The following ASIC2 variants were observed in gnomAD, a reference collection of about 807,000 sequenced individuals.
ASIC2 encodes acid sensing ion channel subunit 2, also known as acid-sensing ion channel 2.
Under a neutral mutation model 57.3 loss-of-function variants are expected in ASIC2, and 25 were observed. That is an observed-to-expected ratio of 0.44 (90% confidence interval 0.32 to 0.61). ASIC2 has a LOEUF of 0.61. Ranked by LOEUF, ASIC2 falls within the 20% of genes least tolerant of loss-of-function variation. The pLI is 0.06. For synonymous variants in ASIC2, 319 were observed against 307.5 expected (o/e 1.04, Z -0.39); for missense variants, 641 against 738.1 (o/e 0.87, Z 1.52).
chr17:33,543,303 A>AAAAAC (rs1915480763), intron 1 of ASIC2, among the ~76,000 whole-genome samples: 2 of 126,796 alleles, frequency 1.6e-5, no homozygotes, highest in Admixed American at 1.5e-4. Flanking sequence ...AAACAAAAAC[A>AAAAAC]AAAAAAACAA....
At chr17:33,853,247 G>T (rs930569393) in intron 1 of ASIC2, among the ~76,000 whole-genome samples, 2 of 152,178 alleles carry the variant, frequency 1.3e-5, no homozygotes, top group Non-Finnish European at 2.9e-5. Context: ...GGGAGGTGGG[G>T]ATGGTAGTAG....
At chr17:33,847,592 C>G (rs914915459) in intron 1 of ASIC2, among the ~76,000 whole-genome samples, 1 of 152,190 alleles carries the variant, frequency 6.6e-6, no homozygotes, top group Non-Finnish European at 1.5e-5. Context: ...CTACTGTGCT[C>G]TCAGCTTGCA....
intron 1 of ASIC2, among the ~76,000 whole-genome samples, chr17:33,839,027 GC>G: frequency 6.6e-6 from 1 of 152,302 alleles, no homozygotes; most frequent in Admixed American, 6.5e-5. Flanking sequence ...TGCCAATGCT[GC>G]TAGTGCATGC....
At chr17:33,017,726 G>C (rs758896488) in intron 7 of ASIC2, 42 bp from the exon 8 acceptor site, 36 of 1,573,170 alleles carry the variant, frequency 2.3e-5, no homozygotes, top group Non-Finnish European at 3.0e-5. Context: ...CTTTTATGCA[G>C]CTTCCAGGAA....
chr17:34,132,831 T>TA (rs985903281), intron 1 of ASIC2, among the ~76,000 whole-genome samples: 1 of 152,096 alleles, frequency 6.6e-6, no homozygotes. Context: ...AAGTCTCAGG[T>TA]AAAAAATCAG....
intron 1 of ASIC2, among the ~76,000 whole-genome samples, chr17:33,947,181 A>T (rs1026444954): frequency 6.6e-6 from 1 of 152,188 alleles, no homozygotes; most frequent in African/African-American, 2.4e-5. Flanking sequence ...AAGTAAAATC[A>T]AAGGAAAACT....
At chr17:33,398,813 C>T (rs552063184) in intron 1 of ASIC2, among the ~76,000 whole-genome samples, 9 of 152,324 alleles carry the variant, frequency 5.9e-5, no homozygotes, top group African/African-American at 2.2e-4. Context: ...CGGGGCTACA[C>T]AGCCATTGAA....
chr17:33,161,857 GTTTTTTTTTTTT>G (rs199823485), intron 1 of ASIC2, among the ~76,000 whole-genome samples: 162 of 94,206 alleles, frequency 1.7e-3, no homozygotes, highest in East Asian at 4.8e-3. Context: ...GAATTCCTAG[GTTTTTTTTTTTT>G]TTTTTTTTTT....
chr17:33,125,236 T>C (rs1597590246), intron 1 of ASIC2, among the ~76,000 whole-genome samples: 2 of 152,332 alleles, frequency 1.3e-5, no homozygotes, highest in Middle Eastern at 6.8e-3. Flanking sequence ...GCAGAGGTGG[T>C]ATCTTGCATA....
chr17:33,409,981 C>T (rs1012824265), intron 1 of ASIC2, among the ~76,000 whole-genome samples: 6 of 152,194 alleles, frequency 3.9e-5, no homozygotes, highest in Non-Finnish European at 8.8e-5. Flanking sequence ...CATTCTGGAC[C>T]CCTCAGCAGG....
chr17:33,070,774 C>T (rs2092065749), intron 3 of ASIC2, among the ~76,000 whole-genome samples: 1 of 152,118 alleles, frequency 6.6e-6, no homozygotes, highest in Non-Finnish European at 1.5e-5. Flanking sequence ...TACAGATCTG[C>T]TGGTGATAGA....
intron 1 of ASIC2, among the ~76,000 whole-genome samples, chr17:33,457,694 C>T (rs1219732750): frequency 6.6e-6 from 1 of 152,170 alleles, no homozygotes; most frequent in Non-Finnish European, 1.5e-5. Flanking sequence ...CACCTCAACA[C>T]TAATAGCTAA....
intron 1 of ASIC2, among the ~76,000 whole-genome samples, chr17:33,842,213 C>A (rs929108785): frequency 2.0e-5 from 3 of 152,178 alleles, no homozygotes; most frequent in African/African-American, 7.2e-5. Context: ...TTGCACCTGG[C>A]AACCTTCATT....
At position 33,088,961 on chromosome 17, in the gene ASIC2, C is replaced by A; in HGVS notation, c.889G>T (p.Val297Phe). 1 of 1,614,160 alleles carries A rather than the reference C, an allele frequency of 6.2e-7. No homozygotes were observed. The highest frequency in any genetic ancestry group is 8.5e-7 in the Non-Finnish European group (1 of 1,179,982). Residue 297 changes from valine (V) to phenylalanine (F), a missense_variant, in exon 3 of 10, where the codon GTT becomes TTT. Around this residue, in one of 3 missense-constraint regions of ASIC2, gnomAD observed 7 missense variants for 20.3 expected, o/e 0.35. Coordinates refer to ENST00000225823, the MANE Select transcript of ASIC2 (RefSeq NM_183377.2). Reference sequence around the variant, plus strand: ...GGCTCAGACTGACTGTGGATCTGAACTTTCACTCCTGCTTCAAATGTCGTT... The same window carrying A: ...GGCTCAGACTGACTGTGGATCTGAAATTTCACTCCTGCTTCAAATGTCGTT... ...EETTFEAGVK[V>F]QIHSQSEPPF...
intron 1 of ASIC2, among the ~76,000 whole-genome samples, chr17:33,952,213 C>T (rs1904600358): frequency 6.6e-6 from 1 of 152,046 alleles, no homozygotes; most frequent in Non-Finnish European, 1.5e-5. Flanking sequence ...TACTGGTGCT[C>T]ATTCTAATAT....
intron 1 of ASIC2, among the ~76,000 whole-genome samples, chr17:33,856,337 GTGTT>G (rs1450170431): frequency 2.2e-5 from 3 of 135,134 alleles, no homozygotes; most frequent in Non-Finnish European, 1.6e-5. Flanking sequence ...ATAACTTACA[GTGTT>G]TGTTGTTACA....
chr17:33,106,507 C>A (rs955195668), intron 2 of ASIC2, among the ~76,000 whole-genome samples: 3 of 152,190 alleles, frequency 2.0e-5, no homozygotes, highest in African/African-American at 7.2e-5. Flanking sequence ...TCCCTGTACA[C>A]GGATTCCGGT....
In ASIC2 at chr17:33,350,998, C is replaced by T. The variant is rs560254503; in HGVS notation, c.556-238931G>A. On this transcript the variant is annotated intron_variant, in intron 1 of 9. Transcript: ENST00000359872. ...CTTTCGTGTTCCATCTCTGTCCTGT[C>T]TTACCTCTCAGGGAGAATCAGCTAA... 8.5e-5 allele frequency among the ~76,000 whole-genome samples: 13 copies of T among 152,276 alleles called. No homozygotes were observed. In the South Asian group the frequency reaches 2.7e-3, roughly 32 times the overall value.
At chr17:33,036,197 CT>C (rs373042750) in intron 3 of ASIC2, among the ~76,000 whole-genome samples, 1 of 152,206 alleles carries the variant, frequency 6.6e-6, no homozygotes, top group East Asian at 1.9e-4. Context: ...TTGCAGGGCT[CT>C]TTTTTTAGGT....
Sources: gnomAD v4.1 joint callset for allele counts (sites outside exome capture counted in the v4.1 genomes callset) on GRCh38, gnomAD v4.1.1 for gene constraint, gnomAD v4.1.1 regional missense constraint, MANE v1.5 for transcripts, NCBI Gene and HGNC (gene_info 2026-07-23, HGNC 2026-07-21) for gene names.